The following CACNA2D3 variants were observed in gnomAD, a reference collection of about 807,000 sequenced individuals.
The protein encoded by CACNA2D3 is voltage-dependent calcium channel subunit alpha-2/delta-3.
CACNA2D3 carries 60 observed loss-of-function variants against 160.6 expected under a neutral mutation model. The observed-to-expected ratio is 0.37, with a 90% CI of 0.30 to 0.46. The LOEUF (loss-of-function observed/expected upper bound fraction) is 0.46. CACNA2D3 is among the 20% of genes least tolerant of loss of function. The pLI is 1.00. For synonymous variants in CACNA2D3, 558 were observed against 492.9 expected, an observed-to-expected ratio of 1.13 and a Z score of -1.75; for missense variants, 1,205 against 1,365.0, an observed-to-expected ratio of 0.88 and a Z score of 1.85.
chr3:54,492,360 A>T (rs896915910), intron 4 of CACNA2D3, among the ~76,000 whole-genome samples: 4 of 152,180 alleles, frequency 2.6e-5, no homozygotes, highest in African/African-American at 9.7e-5. Flanking sequence ...CATCTTTACC[A>T]TACTACTCTG....
chr3:54,503,177 C>T (rs769294475), intron 4 of CACNA2D3, among the ~76,000 whole-genome samples: 1 of 152,182 alleles, frequency 6.6e-6, no homozygotes, highest in Non-Finnish European at 1.5e-5. Context: ...TACATAAAGT[C>T]AGGGTCTCTC....
intron 11 of CACNA2D3, among the ~76,000 whole-genome samples, chr3:54,692,960 T>A (rs1700596187): frequency 6.6e-6 from 1 of 152,072 alleles, no homozygotes; most frequent in Admixed American, 6.6e-5. Flanking sequence ...TCTTTTTAAG[T>A]GAGGCTTGGG....
chr3:54,744,834 G>T (rs1454949083), intron 11 of CACNA2D3, among the ~76,000 whole-genome samples: 1 of 152,224 alleles, frequency 6.6e-6, no homozygotes, highest in Non-Finnish European at 1.5e-5. Flanking sequence ...TGCATCCATT[G>T]TCTCATTTGC....
At chr3:54,306,426 T>C (rs73093659) in intron 2 of CACNA2D3, among the ~76,000 whole-genome samples, 12,748 of 152,198 alleles carry the variant, frequency 0.084, 752 homozygotes, top group South Asian at 0.13. Context: ...ATGTGTGGAC[T>C]TCTATTAACT....
chr3:54,642,165 C>T lies in CACNA2D3; in HGVS notation c.1091C>T (p.Ala364Val). Reference protein sequence around the residue: ...HTGQGSICSQAIMLITDGAVD... With the variant: ...HTGQGSICSQVIMLITDGAVD... The stretch of plus-strand genomic sequence containing the variant: ...GGACAAGGAAGTATCTGCAGTCAGG[C>T]CATCATGCTCATAACTGATGGGGCG... Residue 364 changes from alanine to valine, a missense_variant, in exon 11 of 38, where the codon GCC becomes GTC. Coordinates refer to ENST00000474759, the MANE Select transcript of CACNA2D3 (RefSeq NM_018398.3). The T allele has an allele frequency of 2.5e-6, 4 of 1,612,974 alleles. No individual in the cohort carries two copies. Among genetic ancestry groups the T allele is most frequent in the Non-Finnish European group, 2.5e-6 (3 of 1,179,432 alleles).
At chr3:54,569,445 C>CG (rs370100620) in intron 6 of CACNA2D3, among the ~76,000 whole-genome samples, 28 of 152,206 alleles carry the variant, frequency 1.8e-4, no homozygotes, top group Middle Eastern at 6.8e-3. Context: ...GATGATCCCC[C>CG]CAGGTGCAAC....
intron 11 of CACNA2D3, among the ~76,000 whole-genome samples, chr3:54,710,107 G>T (rs1700928523): frequency 1.3e-5 from 2 of 152,118 alleles, no homozygotes; most frequent in South Asian, 4.2e-4. Context: ...AAGTATTTGT[G>T]GAGCACCTAT....
intron 2 of CACNA2D3, among the ~76,000 whole-genome samples, chr3:54,181,751 T>C (rs1225484509): frequency 6.6e-6 from 1 of 152,204 alleles, no homozygotes; most frequent in Non-Finnish European, 1.5e-5. Flanking sequence ...TGCACATGCT[T>C]CTTATTGAAG....
chr3:54,256,102 A>G (rs1219792022), intron 2 of CACNA2D3, among the ~76,000 whole-genome samples: 2 of 152,224 alleles, frequency 1.3e-5, no homozygotes, highest in African/African-American at 2.4e-5. Context: ...AAAAGGTTGT[A>G]TACACAGGAT....
At chr3:54,123,459 G>A (rs1051717921) in intron 1 of CACNA2D3, 54 bp from the exon 2 acceptor site, 4 of 1,195,136 alleles carry the variant, frequency 3.3e-6, no homozygotes, top group Admixed American at 1.7e-5. Context: ...GTGTGCGTGC[G>A]TGTTGACTGT....
At chr3:54,585,801 A>C (rs1702750246) in intron 9 of CACNA2D3, among the ~76,000 whole-genome samples, 2 of 152,144 alleles carry the variant, frequency 1.3e-5, no homozygotes, top group South Asian at 4.1e-4. Flanking sequence ...ACACATGGGG[A>C]TTATGGGAGC....
intron 30 of CACNA2D3, among the ~76,000 whole-genome samples, chr3:54,986,868 G>A (rs3773581): frequency 0.31 from 46,705 of 151,932 alleles, 7,952 homozygotes; most frequent in African/African-American, 0.46. Context: ...CATGCACTGC[G>A]TACGCCCTCC....
chr3:54,960,713 G>A (rs71308053), intron 27 of CACNA2D3, among the ~76,000 whole-genome samples: 3,200 of 152,210 alleles, frequency 0.021, 44 homozygotes, highest in Middle Eastern at 0.095. Flanking sequence ...TCATCTTCCC[G>A]AGGATACTCT....
intron 4 of CACNA2D3, among the ~76,000 whole-genome samples, chr3:54,468,091 ATGAAG>A (rs918747118): frequency 1.3e-5 from 2 of 152,246 alleles, no homozygotes; most frequent in African/African-American, 2.4e-5. Flanking sequence ...GGATGTTTCT[ATGAAG>A]TGATACATAA....
chr3:54,752,866 T>TC (rs1701891017), intron 12 of CACNA2D3, among the ~76,000 whole-genome samples, 189 bp downstream of exon 12: 3 of 148,940 alleles, frequency 2.0e-5, no homozygotes, highest in African/African-American at 7.3e-5. Context: ...TTTTTTTTTT[T>TC]ATTTTTTTTT....
intron 33 of CACNA2D3, 86 bp downstream of exon 33, chr3:55,007,928 G>T: frequency 1.2e-6 from 1 of 855,598 alleles, no homozygotes. Context: ...TGTGAGTCAT[G>T]CCTTCAATAA....
intron 11 of CACNA2D3, among the ~76,000 whole-genome samples, chr3:54,715,701 CAGGG>C (rs1409576083): frequency 6.6e-6 from 1 of 152,076 alleles, no homozygotes; most frequent in Non-Finnish European, 1.5e-5. Context: ...TGTCAGGAAA[CAGGG>C]AGGAAGACCA....
intron 2 of CACNA2D3, among the ~76,000 whole-genome samples, chr3:54,234,205 A>T (rs555819098): frequency 1.3e-5 from 2 of 152,358 alleles, no homozygotes; most frequent in East Asian, 3.9e-4. Flanking sequence ...GACACTTCTC[A>T]AAAGAAGACA....
intron 2 of CACNA2D3, among the ~76,000 whole-genome samples, chr3:54,292,338 A>G (rs974263223): frequency 6.6e-6 from 1 of 152,224 alleles, no homozygotes; most frequent in African/African-American, 2.4e-5. Flanking sequence ...ATTGGACTTC[A>G]TAGAAATTAA....
Sources: allele counts gnomAD v4.1 joint callset (sites outside exome capture counted in the v4.1 genomes callset), GRCh38; gene constraint gnomAD v4.1.1; transcripts MANE v1.5; gene names NCBI Gene and HGNC (gene_info 2026-07-23, HGNC 2026-07-21).